COL6A3: variants seen among roughly 807,000 people sequenced by gnomAD.
The protein encoded by COL6A3 is collagen type VI alpha 3 chain.
A neutral mutation model predicts 274.1 loss-of-function variants in COL6A3; 137 were observed. The ratio of observed to expected loss-of-function variants is 0.50; its 90% CI spans 0.44 to 0.58. The LOEUF (loss-of-function observed/expected upper bound fraction) is 0.58. COL6A3 is among the 20% of genes least tolerant of loss of function. The pLI is 0.00. For synonymous variants in COL6A3, 1,650 were observed against 1,650.6 expected (o/e 1.00, Z 0.01); for missense variants, 3,950 against 4,124.9 (o/e 0.96, Z 1.16).
chr2:237,381,020 C>T lies in COL6A3; in HGVS notation c.1792G>A (p.Asp598Asn), dbSNP rs778400474. 6 of 1,614,052 alleles carry T rather than the reference C, an allele frequency of 3.7e-6. No individual in the cohort carries two copies. The highest frequency in any genetic ancestry group is 1.3e-5 in the African/African-American group (1 of 74,928). The change falls in exon 5 of 44, where the codon GAC becomes AAC. Residue 598 changes from aspartate (D) to asparagine (N), a missense_variant. Asp to Asn is a conservative substitution (Grantham distance 23). Around this residue, in one of 5 missense-constraint regions of COL6A3, gnomAD observed 1,934 missense variants for 1,984.3 expected, o/e 0.97. Coordinates refer to ENST00000295550, the MANE Select transcript of COL6A3 (RefSeq NM_004369.4). Reference protein sequence around the residue: ...DQAELEEIAFDSSLVFIPAEF... With the variant: ...DQAELEEIAFNSSLVFIPAEF... ...GCTGGGATGAACACCAGGGAGGAGT[C>T]GAAAGCGATCTCTTCCAGCTCAGCC...
chr2:237,412,289 G>A (rs1052411179), intron 1 of COL6A3, among the ~76,000 whole-genome samples: 5 of 152,220 alleles, frequency 3.3e-5, no homozygotes, highest in East Asian at 1.9e-4. Context: ...CCGGTATTCC[G>A]GTCACGGAAC....
chr2:237,332,914 AC>A (rs931212596), intron 42 of COL6A3: 2 of 178,698 alleles, frequency 1.1e-5, no homozygotes, highest in African/African-American at 4.7e-5. Flanking sequence ...CTTAGCATAG[AC>A]TATGCACACA....
rs1366380791 is a variant in COL6A3 at position 237,334,687 on chromosome 2, C to A, written c.9168G>T (p.Val3056=). 6.2e-7 allele frequency: 1 copy of A among 1,613,762 alleles called. No individual in the cohort carries two copies. The highest frequency in any genetic ancestry group is 1.7e-5 in the Admixed American group (1 of 60,004). ...GAGACCTCAGGTAGCAGACCACAGC[C>A]ACATGGTATGTCTGCCCAGCGAGCA... ...GGLLAGQTYH[V]AVVCYLRSQV... The change falls in exon 41 of 44, where the codon GTG becomes GTT. Residue 3056 remains valine (V), a synonymous_variant. Transcript: ENST00000295550.
chr2:237,341,252 A>G (rs1574941199), intron 37 of COL6A3, 102 bp from the exon 38 acceptor site: 1 of 1,228,856 alleles, frequency 8.1e-7, no homozygotes, highest in East Asian at 2.3e-5. Flanking sequence ...TGATCACATA[A>G]GATCAAAAGC....
chr2:237,380,799 T>C (rs1459155087), intron 5 of COL6A3, 116 bp downstream of exon 5: 15 of 948,372 alleles, frequency 1.6e-5, no homozygotes, highest in Middle Eastern at 6.2e-4. Flanking sequence ...TCGTTGCTGC[T>C]GTTTTCATCA....
intron 4 of COL6A3, among the ~76,000 whole-genome samples, chr2:237,387,241 G>A (rs2078166404): frequency 6.6e-6 from 1 of 152,122 alleles, no homozygotes; most frequent in Non-Finnish European, 1.5e-5. Context: ...ACTGTAATGA[G>A]CCCCTCAAGC....
chr2:237,380,696 A>G (rs554701422), intron 5 of COL6A3, among the ~76,000 whole-genome samples: 69 of 152,350 alleles, frequency 4.5e-4, no homozygotes, highest in African/African-American at 1.6e-3. Context: ...TGTGGTTTAA[A>G]TCATATGGTT....
Position 237,344,687 on chromosome 2 carries a change from C to T in COL6A3, c.7331G>A (p.Arg2444Gln), listed in dbSNP as rs895701604. The change falls in exon 36 of 44, where the codon CGG becomes CAG. Residue 2444 changes from arginine to glutamine, a missense_variant. By Grantham distance (43) the Arg-to-Gln change is conservative (BLOSUM62 1). Around this residue, in one of 5 missense-constraint regions of COL6A3, gnomAD observed 1,284 missense variants for 1,349.7 expected, o/e 0.95. Transcript: ENST00000295550. The surrounding 1 kb of genome is among the most constrained non-coding windows in gnomAD (Gnocchi z 4.8). ...GTTGTTGTAGGTGACCACAGCCACC[C>T]GGGCCCCCCGTGGGCAGTTGCTCTC... is the stretch of plus-strand genomic sequence containing the variant. ...IAESNCPRGA[R>Q]VAVVTYNNEV... The T allele has an allele frequency of 1.2e-5, 20 of 1,610,148 alleles. No homozygotes were observed. The highest frequency in any genetic ancestry group is 1.1e-5 in the South Asian group (1 of 90,854).
At chr2:237,326,477 G>A (rs1699947980) in intron 42 of COL6A3, 1 of 152,210 alleles carries the variant, frequency 6.6e-6, no homozygotes, top group South Asian at 2.1e-4. Flanking sequence ...GCAAAGTAAA[G>A]CAAAGGTCCC....
intron 3 of COL6A3, among the ~76,000 whole-genome samples, chr2:237,392,901 C>G (rs902020671): frequency 5.3e-5 from 8 of 152,180 alleles, no homozygotes; most frequent in African/African-American, 1.4e-4. Context: ...GGAAACTCCT[C>G]CAGCCCCGCG....
At chr2:237,338,609 A>C (rs1700667092) in intron 39 of COL6A3, among the ~76,000 whole-genome samples, 1 of 152,162 alleles carries the variant, frequency 6.6e-6, no homozygotes, top group Non-Finnish European at 1.5e-5. Flanking sequence ...CTGAAAAAAA[A>C]ATACAAAAAT....
chr2:237,347,952 G>A (rs2077129622), intron 30 of COL6A3, 83 bp from the exon 31 acceptor site: 1 of 1,287,022 alleles, frequency 7.8e-7, no homozygotes, highest in African/African-American at 1.5e-5. Flanking sequence ...ACATCCAGGA[G>A]ACGTGTGGGT....
Position 237,372,139 on chromosome 2 carries a change from T to C in COL6A3, c.3878A>G (p.Asp1293Gly), listed in dbSNP as rs1222267030. The C allele has an allele frequency of 1.1e-5, 17 of 1,613,980 alleles. No individual in the cohort carries two copies. Among genetic ancestry groups the C allele is most frequent in the East Asian group, 2.2e-5 (1 of 44,884 alleles). Residue 1293 changes from aspartate to glycine, a missense_variant, in exon 9 of 44, where the codon GAT (aspartate) becomes GGT (glycine). By Grantham distance (94) the Asp-to-Gly change is moderately conservative. Coordinates refer to ENST00000295550, the MANE Select transcript of COL6A3 (RefSeq NM_004369.4). ...EFLLNAHSSK[D>G]EVQNAVQRLR... Reference sequence around the variant, plus strand: ...CCGCTGCACCGCGTTCTGCACTTCATCCTTGCTGGAATGGGCGTTCAGCAG... The same window carrying C: ...CCGCTGCACCGCGTTCTGCACTTCACCCTTGCTGGAATGGGCGTTCAGCAG...
At position 237,371,847 on chromosome 2, in the gene COL6A3, C is replaced by T. The variant is rs770489225; in HGVS notation, c.4170G>A (p.Ser1390=). ...KISLSPEYVF[S]VSTFRELPSL... Reference sequence around the variant, plus strand: ...TGGGCAGCTCCCGGAAGGTGCTCACCGAGAACACATATTCGGGGCTCAGCG... The same window carrying T: ...TGGGCAGCTCCCGGAAGGTGCTCACTGAGAACACATATTCGGGGCTCAGCG... The change falls in exon 9 of 44, where the codon TCG becomes TCA. Residue 1390 remains serine, a synonymous_variant. Coordinates refer to ENST00000295550, the MANE Select transcript of COL6A3 (RefSeq NM_004369.4). This position sits in a 1 kb window ranked among gnomAD's most constrained non-coding sequence, Gnocchi z 4.3. The T allele has an allele frequency of 8.1e-6, 13 of 1,613,066 alleles. No individual in the cohort carries two copies. Among genetic ancestry groups the T allele is most frequent in the Admixed American group, 3.3e-5 (2 of 59,972 alleles).
At chr2:237,334,190 G>T (rs1327688085) in intron 41 of COL6A3, among the ~76,000 whole-genome samples, 1 of 152,298 alleles carries the variant, frequency 6.6e-6, no homozygotes, top group South Asian at 2.1e-4. Context: ...CTCCACCCCC[G>T]GGGCGGTGAG....
rs1192265506 is a variant in COL6A3 at position 237,340,947 on chromosome 2, C to A, written c.7969G>T (p.Ala2657Ser). 1 of 1,613,938 alleles carries A rather than the reference C, an allele frequency of 6.2e-7. No homozygotes were observed. The highest frequency in any genetic ancestry group is 1.7e-5 in the Admixed American group (1 of 60,022). Residue 2657 changes from alanine to serine, a missense_variant, in exon 38 of 44, where the codon GCC (alanine) becomes TCC (serine). By Grantham distance (99) the Ala-to-Ser change is moderately conservative. This residue lies in a region of COL6A3 where 1,284 missense variants were observed against 1,349.7 expected (regional missense o/e 0.95). Coordinates refer to ENST00000295550, the MANE Select transcript of COL6A3 (RefSeq NM_004369.4). ...GCCACTCTGGCGAAGTGCTGGGAGGCCTTGGGATCTGGGCTCATGTCCAGT... is the reference window on the plus strand; with the variant it reads ...GCCACTCTGGCGAAGTGCTGGGAGGACTTGGGATCTGGGCTCATGTCCAGT... ...RQLDMSPDPK[A>S]SQHFARVAVV...
Position 237,334,663 on chromosome 2 carries a change from A to C in COL6A3, c.9192T>G (p.Ser3064=), listed in dbSNP as rs1253951128. ...TTCCGTGGTAGGTGGCTCTGACCTG[A>C]GACCTCAGGTAGCAGACCACAGCCA... is the stretch of plus-strand genomic sequence containing the variant. ...YHVAVVCYLR[S]QVRATYHGSF... The change falls in exon 41 of 44, where the codon TCT becomes TCG. Residue 3064 remains serine, a synonymous_variant. Transcript: ENST00000295550. The C allele has an allele frequency of 6.2e-6, 10 of 1,613,714 alleles. No individual in the cohort carries two copies. Among genetic ancestry groups the C allele is most frequent in the African/African-American group, 5.3e-5 (4 of 75,040 alleles).
chr2:237,350,260 G>A, intron 27 of COL6A3, 51 bp from the exon 28 acceptor site: 1 of 1,562,902 alleles, frequency 6.4e-7, no homozygotes, highest in Non-Finnish European at 8.8e-7. Context: ...CTGGCTTACA[G>A]TGTGATGCCA....
chr2:237,357,517 T>G (rs1233906039), intron 22 of COL6A3, 126 bp from the exon 23 acceptor site: 17 of 919,472 alleles, frequency 1.8e-5, no homozygotes, highest in Non-Finnish European at 2.7e-5. Context: ...TGCAGGACAG[T>G]TGCACACTTT....
Sources: gnomAD v4.1 joint callset for allele counts (sites outside exome capture counted in the v4.1 genomes callset) on GRCh38, gnomAD v4.1.1 for gene constraint, gnomAD v4.1.1 regional missense constraint, Gnocchi (gnomAD v3.1) non-coding constraint, MANE v1.5 for transcripts, NCBI Gene and HGNC (gene_info 2026-07-23, HGNC 2026-07-21) for gene names.